Variants in LRP5 observed in about 807,000 individuals in gnomAD.
The protein encoded by LRP5 is LDL receptor related protein 5.
In LRP5, 62 loss-of-function variants were observed where a neutral mutation model predicts 154.1. The ratio of observed to expected loss-of-function variants is 0.40; its 90% CI spans 0.33 to 0.50. The LOEUF is 0.50. Ranked by LOEUF, LRP5 falls within the 20% of genes least tolerant of loss-of-function variation. The pLI, the probability that LRP5 is intolerant of heterozygous loss-of-function variation, is 0.55. For synonymous variants in LRP5, 966 were observed against 1,011.5 expected, an observed-to-expected ratio of 0.96 and a Z score of 0.85; for missense variants, 1,915 against 2,336.7, an observed-to-expected ratio of 0.82 and a Z score of 3.72.
intron 1 of LRP5, among the ~76,000 whole-genome samples, chr11:68,342,357 A>C (rs2098609672): frequency 6.6e-6 from 1 of 152,030 alleles, no homozygotes; most frequent in East Asian, 1.9e-4. Context: ...AGGGGGCTGT[A>C]GGGCCTTGGT....
intron 18 of LRP5, among the ~76,000 whole-genome samples, chr11:68,436,118 C>A (rs558939353): frequency 1.1e-4 from 16 of 152,350 alleles, no homozygotes; most frequent in African/African-American, 3.4e-4. Context: ...GTGTGCCCCG[C>A]GGTGCTGGTG....
rs2098670792 is a variant in LRP5, at chr11:68,429,554, T to A, written c.3638-21T>A. 4 of 1,613,776 alleles carry A rather than the reference T, an allele frequency of 2.5e-6. No homozygotes were observed. The South Asian group carries it at 4.4e-5, about 18-fold the overall frequency. ...TGGGAGACAGAGCCTGACCTCTGTT[T>A]GTCTTGTTTTGTCTTTGCAGCAGCC... On this transcript the variant is annotated intron_variant, in intron 16 of 22. Transcript: ENST00000294304.
intron 1 of LRP5, among the ~76,000 whole-genome samples, chr11:68,341,706 C>T (rs561725246): frequency 3.9e-5 from 6 of 152,274 alleles, no homozygotes; most frequent in East Asian, 1.9e-4. Context: ...CCAGGCCTGC[C>T]GGCTCCTTCT....
At chr11:68,337,420 G>A (rs1313317371) in intron 1 of LRP5, among the ~76,000 whole-genome samples, 6 of 152,182 alleles carry the variant, frequency 3.9e-5, no homozygotes, top group Non-Finnish European at 8.8e-5. Flanking sequence ...TGTTTGTGAG[G>A]CATTGTGAGT....
At chr11:68,429,899 TC>T (rs1211730897) in intron 17 of LRP5, among the ~76,000 whole-genome samples, 199 bp downstream of exon 17, 1 of 152,250 alleles carries the variant, frequency 6.6e-6, no homozygotes, top group African/African-American at 2.4e-5. Context: ...GTACTGCGTT[TC>T]CTGCATCTCA....
intron 5 of LRP5, among the ~76,000 whole-genome samples, chr11:68,373,097 A>G (rs115647152): frequency 0.016 from 2,476 of 152,200 alleles, 66 homozygotes; most frequent in African/African-American, 0.055. Context: ...GGCTGGAAAC[A>G]TCTCGAGGTT....
At position 68,442,882 on chromosome 11, in the gene LRP5, C is replaced by T. The variant is rs1159748136; in HGVS notation, c.4488+2966C>T. Among the ~76,000 whole-genome samples, 3 of 152,314 alleles carry T rather than the reference C, an allele frequency of 2.0e-5. No individual in the cohort carries two copies. In the East Asian group the frequency reaches 5.8e-4, roughly 29 times the overall value. On this transcript the variant is annotated intron_variant, in intron 21 of 22. Transcript: ENST00000294304. ...CACCTTCTACTCTGCTTCCCCCGCA[C>T]CCTGAAGTTTGTTCTGTTTTGAGGA... is the stretch of plus-strand genomic sequence containing the variant.
At chr11:68,434,754 G>A (rs1014057290) in intron 18 of LRP5, among the ~76,000 whole-genome samples, 6 of 151,832 alleles carry the variant, frequency 4.0e-5, no homozygotes, top group Non-Finnish European at 8.8e-5. Context: ...GCCCAGGACT[G>A]CTGAGGAGCT....
intron 1 of LRP5, among the ~76,000 whole-genome samples, chr11:68,341,078 T>TTTTTTTTTTTTTTTTTTTTTC (rs2098608838): frequency 6.8e-6 from 1 of 147,358 alleles, no homozygotes. Flanking sequence ...TTTTTTTTTT[T>TTTTTTTTTTTTTTTTTTTTTC]GCTATTACAA....
rs73515053 is a variant in LRP5 at position 68,398,463 on chromosome 11, C to G, written c.1585-5020C>G. On this transcript the variant is annotated intron_variant, in intron 7 of 22. Transcript: ENST00000294304. The stretch of plus-strand genomic sequence containing the variant: ...AGGACAGGGCTGGACCCTTGGGTGG[C>G]CTCTGGCTGGACCATCTCATTGTCC... Among the ~76,000 whole-genome samples, 831 of 152,258 alleles carry G rather than the reference C, an allele frequency of 5.5e-3. 7 individuals carry two copies. The highest frequency in any genetic ancestry group is 0.019 in the African/African-American group (794 of 41,536).
chr11:68,397,322 G>T (rs978641248), intron 7 of LRP5, among the ~76,000 whole-genome samples: 2 of 152,114 alleles, frequency 1.3e-5, no homozygotes, highest in African/African-American at 4.8e-5. Context: ...TGTGAAAGTG[G>T]CAGGGTCTGG....
chr11:68,423,686 C>G lies in LRP5; in HGVS notation c.3225C>G (p.Asn1075Lys), dbSNP rs774177044. The change falls in exon 14 of 23, where the codon AAC (asparagine) becomes AAG (lysine). Residue 1075 changes from asparagine to lysine, a missense_variant. Coordinates refer to ENST00000294304, the MANE Select transcript of LRP5 (RefSeq NM_002335.4). This position sits in a 1 kb window ranked among gnomAD's most constrained non-coding sequence, Gnocchi z 4.7. ...DRDKPRAIVV[N>K]AERGYLYFTN... ...ACAAGCCCAGGGCCATCGTCGTCAACGCGGAGCGAGGGTAGGAGGCCAACG... is the reference window on the plus strand; with the variant it reads ...ACAAGCCCAGGGCCATCGTCGTCAAGGCGGAGCGAGGGTAGGAGGCCAACG... 4 of 1,611,346 alleles carry G rather than the reference C, an allele frequency of 2.5e-6. No homozygotes were observed. The highest frequency in any genetic ancestry group is 2.5e-6 in the Non-Finnish European group (3 of 1,179,758).
chr11:68,409,744 G>T (rs2098658334), intron 9 of LRP5, among the ~76,000 whole-genome samples, 170 bp from the exon 10 acceptor site: 1 of 152,022 alleles, frequency 6.6e-6, no homozygotes, highest in Admixed American at 6.6e-5. Flanking sequence ...CACCTACTTG[G>T]GAGGCTAAGG....
At chr11:68,412,637 C>T (rs557400962) in intron 11 of LRP5, among the ~76,000 whole-genome samples, 5 of 149,484 alleles carry the variant, frequency 3.3e-5, no homozygotes, top group Admixed American at 2.0e-4. Context: ...AGAGTGAGAC[C>T]GTCTCCAAAA....
chr11:68,365,770 C>T (rs1434550827), intron 5 of LRP5, 68 bp downstream of exon 5: 17 of 1,434,180 alleles, frequency 1.2e-5, no homozygotes, highest in Middle Eastern at 2.5e-4. Flanking sequence ...TTGCGGCCGC[C>T]GGGGGTGCCC....
At chr11:68,322,237 C>T (rs2098597166) in intron 1 of LRP5, among the ~76,000 whole-genome samples, 1 of 152,150 alleles carries the variant, frequency 6.6e-6, no homozygotes, top group Admixed American at 6.5e-5. Flanking sequence ...GCTCTGTCCC[C>T]TGCCCTCTCC....
intron 5 of LRP5, among the ~76,000 whole-genome samples, chr11:68,385,284 C>A (rs975124865): frequency 1.3e-5 from 2 of 152,180 alleles, no homozygotes; most frequent in Non-Finnish European, 1.5e-5. Flanking sequence ...CGTGGAGGGG[C>A]GTGACCTCAA....
chr11:68,402,307 C>T (rs34638895), intron 7 of LRP5, among the ~76,000 whole-genome samples: 1,882 of 152,256 alleles, frequency 0.012, 37 homozygotes, highest in African/African-American at 0.042. Flanking sequence ...TGTATGCTTC[C>T]GTTGGTTCAG....
chr11:68,437,090 G>C, intron 19 of LRP5, 91 bp downstream of exon 19: 1 of 1,087,510 alleles, frequency 9.2e-7, no homozygotes, highest in Non-Finnish European at 1.4e-6. Context: ...CTTTCCAGCG[G>C]GGCTGGGGGC....
Sources: allele counts gnomAD v4.1 joint callset (sites outside exome capture counted in the v4.1 genomes callset), GRCh38; gene constraint gnomAD v4.1.1; non-coding constraint Gnocchi (gnomAD v3.1); transcripts MANE v1.5; gene names NCBI Gene and HGNC (gene_info 2026-07-23, HGNC 2026-07-21).